The following NEDD4L variants were observed in gnomAD, a reference collection of about 807,000 sequenced individuals.
NEDD4L encodes the protein NEDD4 like E3 ubiquitin protein ligase.
Under a neutral mutation model 148.9 loss-of-function variants are expected in NEDD4L, and 54 were observed. That is an observed-to-expected ratio of 0.36 (90% confidence interval 0.29 to 0.45). NEDD4L has a LOEUF of 0.45. Among genes scored for constraint, NEDD4L ranks in the 20% least tolerant of loss-of-function variants. NEDD4L has a pLI of 1.00. For synonymous variants in NEDD4L, 433 were observed against 440.7 expected, an observed-to-expected ratio of 0.98 and a Z score of 0.22; for missense variants, 856 against 1,233.8, an observed-to-expected ratio of 0.69 and a Z score of 4.59.
intron 1 of NEDD4L, among the ~76,000 whole-genome samples, chr18:58,162,741 G>C (rs1034982999): frequency 6.6e-6 from 1 of 151,900 alleles, no homozygotes; most frequent in African/African-American, 2.4e-5. Context: ...TGTCATTACA[G>C]GTTCTCTATG....
intron 5 of NEDD4L, among the ~76,000 whole-genome samples, chr18:58,282,883 A>G (rs1005389265): frequency 1.3e-5 from 2 of 152,162 alleles, no homozygotes; most frequent in Non-Finnish European, 2.9e-5. Context: ...ATCTCAGTGA[A>G]TTAACCCACA....
chr18:58,171,739 A>G (rs2037531840), intron 2 of NEDD4L, among the ~76,000 whole-genome samples: 1 of 152,212 alleles, frequency 6.6e-6, no homozygotes, highest in Non-Finnish European at 1.5e-5. Context: ...CTCTTCAAGC[A>G]TCTCTCCCAA....
chr18:58,052,333 A>G (rs994653478), intron 1 of NEDD4L, among the ~76,000 whole-genome samples: 8 of 152,196 alleles, frequency 5.3e-5, no homozygotes, highest in African/African-American at 1.7e-4. Context: ...GAATCTCACT[A>G]TGATTGTAAT....
chr18:58,235,441 C>T (rs1388158186), intron 2 of NEDD4L, among the ~76,000 whole-genome samples: 12 of 152,144 alleles, frequency 7.9e-5, no homozygotes, highest in Non-Finnish European at 1.6e-4. Flanking sequence ...CAGGAGCATA[C>T]GGTGACAGTG....
intron 2 of NEDD4L, among the ~76,000 whole-genome samples, chr18:58,168,550 G>A (rs1035140801): frequency 1.6e-4 from 25 of 152,284 alleles, no homozygotes; most frequent in Non-Finnish European, 3.4e-4. Context: ...AGTAGTCACC[G>A]GGCAGAGGTT....
At chr18:58,134,767 T>C in intron 1 of NEDD4L, among the ~76,000 whole-genome samples, 1 of 133,040 alleles carries the variant, frequency 7.5e-6, no homozygotes, top group African/African-American at 2.8e-5. Context: ...CAAGCAATTT[T>C]CATTTTTTTT....
intron 6 of NEDD4L, among the ~76,000 whole-genome samples, chr18:58,316,973 CTATTTAAA>C (rs372719796): frequency 0.52 from 78,130 of 151,508 alleles, 20,557 homozygotes; most frequent in African/African-American, 0.63. Context: ...TTATTTAAAG[CTATTTAAA>C]GCTAGCATAA....
intron 1 of NEDD4L, among the ~76,000 whole-genome samples, chr18:58,051,782 A>T (rs1377499793): frequency 6.6e-6 from 1 of 152,226 alleles, no homozygotes; most frequent in Non-Finnish European, 1.5e-5. Flanking sequence ...CTATATGTTG[A>T]TCTTTTGGTA....
intron 2 of NEDD4L, among the ~76,000 whole-genome samples, chr18:58,179,186 G>C (rs1023443041): frequency 1.3e-5 from 2 of 152,108 alleles, no homozygotes; most frequent in Admixed American, 6.5e-5. Context: ...CTGGCTCTCT[G>C]GAGTGTGATT....
intron 2 of NEDD4L, among the ~76,000 whole-genome samples, chr18:58,229,804 A>G (rs986956812): frequency 1.3e-5 from 2 of 152,086 alleles, no homozygotes; most frequent in African/African-American, 4.8e-5. Context: ...ATCCTGGCCA[A>G]TATGGTGAAA....
At chr18:58,225,376 T>A (rs1035035644) in intron 2 of NEDD4L, among the ~76,000 whole-genome samples, 1 of 152,220 alleles carries the variant, frequency 6.6e-6, no homozygotes, top group African/African-American at 2.4e-5. Context: ...CTCAGCAATG[T>A]GGGCGGGGAA....
At chr18:58,250,002 C>T (rs1207764445) in intron 4 of NEDD4L, among the ~76,000 whole-genome samples, 1 of 152,216 alleles carries the variant, frequency 6.6e-6, no homozygotes, top group Non-Finnish European at 1.5e-5. Flanking sequence ...TGTGAACCTC[C>T]AAAGTGTTTA....
intron 5 of NEDD4L, among the ~76,000 whole-genome samples, chr18:58,253,056 C>T (rs1326653431): frequency 6.6e-6 from 1 of 152,188 alleles, no homozygotes; most frequent in Non-Finnish European, 1.5e-5. Context: ...CAAATTTACC[C>T]TCTCTGAAAC....
chr18:58,212,379 G>A (rs551232), intron 2 of NEDD4L, among the ~76,000 whole-genome samples: 66,450 of 152,030 alleles, frequency 0.44, 15,805 homozygotes, highest in African/African-American at 0.64. Flanking sequence ...GAGGACTCAC[G>A]ATCACGGGTG....
At chr18:58,353,510 A>G (rs182820309) in intron 18 of NEDD4L, among the ~76,000 whole-genome samples, 54 of 152,198 alleles carry the variant, frequency 3.5e-4, no homozygotes, top group African/African-American at 1.3e-3. Context: ...TGTTCATGCT[A>G]CGTTTCTACC....
chr18:58,185,064 G>A (rs73450408), intron 2 of NEDD4L, among the ~76,000 whole-genome samples: 19,963 of 152,262 alleles, frequency 0.13, 1,481 homozygotes, highest in East Asian at 0.35. Context: ...CGTGCACGGC[G>A]TTAGTCATGG....
chr18:58,174,211 G>A (rs781659053), intron 2 of NEDD4L, among the ~76,000 whole-genome samples: 29 of 152,106 alleles, frequency 1.9e-4, no homozygotes, highest in Non-Finnish European at 2.8e-4. Flanking sequence ...TCTCCTTCCC[G>A]TGTGGCTGGG....
intron 1 of NEDD4L, among the ~76,000 whole-genome samples, chr18:58,109,561 G>GTTTTT (rs772954089): frequency 1.5e-4 from 21 of 135,966 alleles, no homozygotes; most frequent in African/African-American, 4.8e-4. Context: ...CAACTAGGAG[G>GTTTTT]TTTTTTTTTT....
intron 26 of NEDD4L, among the ~76,000 whole-genome samples, chr18:58,386,897 G>A (rs989492824): frequency 2.0e-4 from 31 of 152,316 alleles, no homozygotes; most frequent in African/African-American, 5.8e-4. Flanking sequence ...GGGCCCCACC[G>A]CAGGCGGTCC....
Sources: allele counts gnomAD v4.1 joint callset (sites outside exome capture counted in the v4.1 genomes callset), GRCh38; gene constraint gnomAD v4.1.1; transcripts MANE v1.5; gene names NCBI Gene and HGNC (gene_info 2026-07-23, HGNC 2026-07-21).